PRKCI: variants seen among roughly 807,000 people sequenced by gnomAD.
The protein encoded by PRKCI is protein kinase C iota type.
PRKCI carries 43 observed loss-of-function variants against 84.0 expected under a neutral mutation model. The ratio of observed to expected loss-of-function variants is 0.51; its 90% CI spans 0.40 to 0.66. The LOEUF is 0.66. PRKCI is among the 30% of genes least tolerant of loss of function. The probability of loss-of-function intolerance (pLI) is 0.00; values close to 1 mark genes in which losing one functional copy is unlikely to be tolerated. For synonymous variants in PRKCI, 216 were observed against 234.4 expected (o/e 0.92, Z 0.72); for missense variants, 459 against 745.6 (o/e 0.62, Z 4.48).
intron 3 of PRKCI, among the ~76,000 whole-genome samples, chr3:170,263,062 G>A (rs1401038580): frequency 6.6e-6 from 1 of 151,250 alleles, no homozygotes; most frequent in Non-Finnish European, 1.5e-5. Context: ...CCAGCTACAC[G>A]GGAGGCTGAG....
At chr3:170,226,481 A>G (rs929968847) in intron 1 of PRKCI, among the ~76,000 whole-genome samples, 1 of 152,230 alleles carries the variant, frequency 6.6e-6, no homozygotes, top group African/African-American at 2.4e-5. Context: ...TTAACAAGGC[A>G]ACATCTGGAC....
chr3:170,293,218 T>C (rs1734606171), intron 13 of PRKCI, 165 bp from the exon 14 acceptor site: 2 of 542,192 alleles, frequency 3.7e-6, no homozygotes, highest in Non-Finnish European at 6.1e-6. Flanking sequence ...CCCTTGTTGA[T>C]AAATGAAGCA....
intron 11 of PRKCI, among the ~76,000 whole-genome samples, chr3:170,284,216 C>A (rs1734319902): frequency 6.6e-6 from 1 of 152,010 alleles, no homozygotes; most frequent in Non-Finnish European, 1.5e-5. Context: ...AGATTGAGAA[C>A]CCCTGTTTGA....
intron 1 of PRKCI, among the ~76,000 whole-genome samples, chr3:170,223,025 G>GT (rs1238055810): frequency 6.6e-6 from 1 of 152,172 alleles, no homozygotes; most frequent in Non-Finnish European, 1.5e-5. Flanking sequence ...GGAAGCTAGG[G>GT]TTAGAGTAGG....
At position 170,233,721 on chromosome 3, in the gene PRKCI, C is replaced by T. The variant is rs540857130; in HGVS notation, c.102-1509C>T. 2.0e-5 allele frequency among the ~76,000 whole-genome samples: 3 copies of T among 152,064 alleles called. No individual in the cohort carries two copies. The South Asian group carries it at 6.2e-4, about 32-fold the overall frequency. ...ATTGAGTCTCTGATGGGTATCTATA[C>T]TTAAACTTTTTTTTTTTTAAACAGA... is the stretch of plus-strand genomic sequence containing the variant. On this transcript the variant is annotated intron_variant, in intron 1 of 17. Coordinates refer to ENST00000295797, the MANE Select transcript of PRKCI (RefSeq NM_002740.6).
At chr3:170,260,173 CATGCCTAA>C in intron 3 of PRKCI, 115 bp downstream of exon 3, 1 of 644,914 alleles carries the variant, frequency 1.6e-6, no homozygotes, top group Non-Finnish European at 2.6e-6. Flanking sequence ...CTCTGTGACT[CATGCCTAA>C]GTAATTGTCG....
intron 15 of PRKCI, 61 bp downstream of exon 15, chr3:170,296,051 C>T: frequency 1.0e-6 from 1 of 959,388 alleles, no homozygotes; most frequent in Non-Finnish European, 1.5e-6. Flanking sequence ...TCAAACTGGT[C>T]AGTAGCGGTT....
chr3:170,233,906 AGACG>A (rs1456657580), intron 1 of PRKCI, among the ~76,000 whole-genome samples: 1 of 151,716 alleles, frequency 6.6e-6, no homozygotes, highest in African/African-American at 2.4e-5. Flanking sequence ...TTTTTAGTAG[AGACG>A]GAGTTTCACT....
intron 6 of PRKCI, among the ~76,000 whole-genome samples, chr3:170,271,844 A>G (rs1734014064): frequency 6.6e-6 from 1 of 151,644 alleles, no homozygotes. Flanking sequence ...CTTTTTTGTT[A>G]TTGTTTTGAG....
chr3:170,299,625 G>T (rs1230441652), intron 17 of PRKCI, among the ~76,000 whole-genome samples: 1 of 152,204 alleles, frequency 6.6e-6, no homozygotes, highest in Non-Finnish European at 1.5e-5. Flanking sequence ...TTGCTTTATA[G>T]TGCATTATCT....
At chr3:170,274,664 A>G (rs1186995397) in intron 7 of PRKCI, among the ~76,000 whole-genome samples, 1 of 152,208 alleles carries the variant, frequency 6.6e-6, no homozygotes, top group African/African-American at 2.4e-5. Flanking sequence ...TTTTCTGGAA[A>G]GACAAAATGC....
rs766563408 is a variant in PRKCI at position 170,280,375 on chromosome 3, T to C, written c.854T>C (p.Val285Ala). ...KTDRIYAMKV[V>A]KKELVNDDED... ...GATCGTATTTATGCAATGAAAGTTG[T>C]GAAAAAAGAGCTTGTTAATGATGAT... is the stretch of plus-strand genomic sequence containing the variant. Residue 285 changes from valine to alanine, a missense_variant, in exon 9 of 18, where the codon GTG (valine) becomes GCG (alanine). Coordinates refer to ENST00000295797, the MANE Select transcript of PRKCI (RefSeq NM_002740.6). 6.2e-7 allele frequency: 1 copy of C among 1,613,358 alleles called. No individual in the cohort carries two copies. Among genetic ancestry groups the C allele is most frequent in the African/African-American group, 1.3e-5 (1 of 74,892 alleles).
chr3:170,293,001 A>G (rs975043744), intron 13 of PRKCI, among the ~76,000 whole-genome samples: 12 of 149,734 alleles, frequency 8.0e-5, no homozygotes, highest in African/African-American at 2.7e-4. Context: ...AGATTGCACC[A>G]CTGCACTCCA....
rs751579309 is a variant in PRKCI at position 170,304,059 on chromosome 3, T to C, written c.*932T>C. 6 of 152,650 alleles carry C rather than the reference T, an allele frequency of 3.9e-5. No individual in the cohort carries two copies. The highest frequency in any genetic ancestry group is 8.8e-5 in the Non-Finnish European group (6 of 68,350). The allele number at this position is 152,650 out of a possible 1,614,324, so 9.5% of individuals were successfully genotyped here. On this transcript the variant is annotated 3_prime_UTR_variant, in exon 18 of 18. Transcript: ENST00000295797. ...TATTATGAATCAGATTCCAAATCAT[T>C]AACTATTTTTGCAAAACTGGCACAA...
intron 2 of PRKCI, among the ~76,000 whole-genome samples, chr3:170,251,010 A>G (rs1199488227): frequency 2.0e-5 from 3 of 152,228 alleles, no homozygotes; most frequent in African/African-American, 7.2e-5. Context: ...TCCTTCCTAC[A>G]GATTGAAAAT....
intron 6 of PRKCI, among the ~76,000 whole-genome samples, chr3:170,271,433 A>T (rs1054687370): frequency 3.9e-4 from 59 of 152,230 alleles, no homozygotes; most frequent in African/African-American, 1.3e-3. Flanking sequence ...TTTATGTCAA[A>T]TATCCAGTAA....
intron 1 of PRKCI, among the ~76,000 whole-genome samples, chr3:170,228,706 A>C: frequency 6.6e-6 from 1 of 151,540 alleles, no homozygotes; most frequent in East Asian, 1.9e-4. Flanking sequence ...TTATTTTATT[A>C]GTTTATTTTT....
In PRKCI at chr3:170,250,304, T is replaced by TA. The variant is rs554786646; in HGVS notation, c.224-9653dup. Among the ~76,000 whole-genome samples the TA allele has an allele frequency of 5.9e-3, 839 of 142,170 alleles. 2 individuals carry two copies. Among genetic ancestry groups the TA allele is most frequent in the Non-Finnish European group, 8.3e-3 (540 of 64,694 alleles). The allele number at this position is 142,170 out of a possible 152,430, so 93.3% of individuals were successfully genotyped here. On this transcript the variant is annotated intron_variant, in intron 2 of 17. Coordinates refer to ENST00000295797, the MANE Select transcript of PRKCI (RefSeq NM_002740.6). ...AAAAAAAGCTAGACTCCACATTCTT[T>TA]AAAAAAAAAAAACAACTTTGCTAAG... is the stretch of plus-strand genomic sequence containing the variant.
At chr3:170,297,176 A>G (rs1734704812) in intron 15 of PRKCI, 128 bp from the exon 16 acceptor site, 10 of 707,912 alleles carry the variant, frequency 1.4e-5, no homozygotes, top group South Asian at 4.0e-5. Flanking sequence ...CTTTCTAGAA[A>G]TAAAAGGTAG....
Sources: allele counts gnomAD v4.1 joint callset (sites outside exome capture counted in the v4.1 genomes callset), GRCh38; gene constraint gnomAD v4.1.1; transcripts MANE v1.5; gene names NCBI Gene and HGNC (gene_info 2026-07-23, HGNC 2026-07-21).